Variants in MAP2K6 observed in about 807,000 individuals in gnomAD.
MAP2K6 encodes mitogen-activated protein kinase kinase 6.
MAP2K6 carries 16 observed loss-of-function variants against 53.7 expected under a neutral mutation model. The ratio of observed to expected loss-of-function variants is 0.30; its 90% CI spans 0.20 to 0.45. The LOEUF (loss-of-function observed/expected upper bound fraction) is 0.45, where lower values mean the gene tolerates loss of function less well. Ranked by LOEUF, MAP2K6 falls within the 20% of genes least tolerant of loss-of-function variation. The pLI is 1.00. For synonymous variants in MAP2K6, 132 were observed against 143.1 expected, an observed-to-expected ratio of 0.92 and a Z score of 0.55; for missense variants, 204 against 411.9, an observed-to-expected ratio of 0.50 and a Z score of 4.37.
chr17:69,512,339 G>GTTTTTTTTTT (rs746993199), intron 2 of MAP2K6, among the ~76,000 whole-genome samples: 2 of 82,110 alleles, frequency 2.4e-5, no homozygotes, highest in Non-Finnish European at 4.5e-5. Flanking sequence ...TTTTTTTTTT[G>GTTTTTTTTTT]TTTTTTTTTT....
intron 1 of MAP2K6, among the ~76,000 whole-genome samples, chr17:69,462,717 A>C (rs1363959807): frequency 1.3e-5 from 2 of 151,876 alleles, no homozygotes; most frequent in Non-Finnish European, 2.9e-5. Context: ...AAGCCCTTGG[A>C]TTTTCCACCT....
intron 1 of MAP2K6, among the ~76,000 whole-genome samples, chr17:69,423,391 G>A (rs1043719836): frequency 2.0e-5 from 3 of 152,186 alleles, no homozygotes; most frequent in Admixed American, 2.0e-4. Context: ...GACAGCTGTC[G>A]AGTTGAGTAG....
intron 1 of MAP2K6, among the ~76,000 whole-genome samples, chr17:69,471,988 T>A (rs1007785059): frequency 6.6e-6 from 1 of 152,232 alleles, no homozygotes; most frequent in Non-Finnish European, 1.5e-5. Flanking sequence ...CTGTTCTGAT[T>A]GGCCTTTAGA....
chr17:69,488,533 G>C (rs759107379), intron 1 of MAP2K6, among the ~76,000 whole-genome samples: 2 of 152,118 alleles, frequency 1.3e-5, no homozygotes, highest in Non-Finnish European at 2.9e-5. Context: ...ATGCCCATCA[G>C]TAATAGACTG....
At position 69,515,838 on chromosome 17, in the gene MAP2K6, G is replaced by A. The variant is rs543934314; in HGVS notation, c.84-1017G>A. Among the ~76,000 whole-genome samples, 4 of 152,328 alleles carry A rather than the reference G, an allele frequency of 2.6e-5. No individual in the cohort carries two copies. In the East Asian group the frequency reaches 7.7e-4, roughly 29 times the overall value. ...TGTCCATCTATAAAAGAAGGGACGA[G>A]ATTTGAAATTCTTATGTTCTATGAA... On this transcript the variant is annotated intron_variant, in intron 2 of 11. Coordinates refer to ENST00000590474, the MANE Select transcript of MAP2K6 (RefSeq NM_002758.4).
rs537463806 is a variant in MAP2K6, at chr17:69,496,529, G to A, written c.17-9251G>A. Among the ~76,000 whole-genome samples, 728 of 152,082 alleles carry A rather than the reference G, an allele frequency of 4.8e-3. 7 individuals are homozygous for A. Among genetic ancestry groups the A allele is most frequent in the Non-Finnish European group, 7.8e-3 (531 of 67,984 alleles). ...GATTACAGGCGTGTGCCCCACGCCC[G>A]GCTAATTTTTTGTATTTTTAGTAGA... is the stretch of plus-strand genomic sequence containing the variant. On this transcript the variant is annotated intron_variant, in intron 1 of 11. Coordinates refer to ENST00000590474, the MANE Select transcript of MAP2K6 (RefSeq NM_002758.4).
intron 1 of MAP2K6, among the ~76,000 whole-genome samples, chr17:69,458,616 T>C (rs992081933): frequency 6.6e-6 from 1 of 152,252 alleles, no homozygotes; most frequent in Non-Finnish European, 1.5e-5. Flanking sequence ...AGTTTCCCTG[T>C]TGCTGTTAAT....
chr17:69,429,556 A>T (rs1369021403), intron 1 of MAP2K6, among the ~76,000 whole-genome samples: 2 of 152,224 alleles, frequency 1.3e-5, no homozygotes, highest in Non-Finnish European at 2.9e-5. Flanking sequence ...AGCTCTTGCA[A>T]TATTGATTAT....
In MAP2K6 at chr17:69,545,124, G is replaced by A. The variant is rs1339928309; in HGVS notation, c.*3371G>A. 3 of 152,122 alleles carry A rather than the reference G, an allele frequency of 2.0e-5. No individual in the cohort carries two copies. The highest frequency in any genetic ancestry group is 4.4e-5 in the Non-Finnish European group (3 of 68,040). The allele number at this position is 152,122 out of a possible 1,614,324, so 9.4% of individuals were successfully genotyped here. ...AAAACGCCATGTCATGGGCTCTGAA[G>A]ATAATTTCAAATGAAGATTTCCACA... is the stretch of plus-strand genomic sequence containing the variant. On this transcript the variant is annotated 3_prime_UTR_variant, in exon 12 of 12. Coordinates refer to ENST00000590474, the MANE Select transcript of MAP2K6 (RefSeq NM_002758.4).
intron 1 of MAP2K6, among the ~76,000 whole-genome samples, chr17:69,419,439 A>G (rs1171143968): frequency 1.3e-5 from 2 of 152,136 alleles, no homozygotes; most frequent in African/African-American, 4.8e-5. Flanking sequence ...TGCCAAGTAA[A>G]TTGCTCTTCA....
At chr17:69,523,982 C>T (rs1354190800) in intron 8 of MAP2K6, among the ~76,000 whole-genome samples, 1 of 152,124 alleles carries the variant, frequency 6.6e-6, no homozygotes, top group Non-Finnish European at 1.5e-5. Context: ...CAGGATCATA[C>T]ATAGCACCTT....
At chr17:69,466,938 G>A (rs1437053084) in intron 1 of MAP2K6, among the ~76,000 whole-genome samples, 1 of 152,192 alleles carries the variant, frequency 6.6e-6, no homozygotes, top group African/African-American at 2.4e-5. Flanking sequence ...TCAGATTAAC[G>A]AGTGAACTTT....
At chr17:69,529,364 TA>T (rs201107152) in intron 10 of MAP2K6, among the ~76,000 whole-genome samples, 1 of 152,136 alleles carries the variant, frequency 6.6e-6, no homozygotes, top group Admixed American at 6.5e-5. Flanking sequence ...TCAATTTGTT[TA>T]AAAAAAATCA....
chr17:69,468,492 G>A (rs572095362), intron 1 of MAP2K6, among the ~76,000 whole-genome samples: 2 of 152,314 alleles, frequency 1.3e-5, no homozygotes, highest in African/African-American at 2.4e-5. Flanking sequence ...AGCTGTGTAC[G>A]CAAACATAAC....
chr17:69,470,556 A>G (rs191297226), intron 1 of MAP2K6, among the ~76,000 whole-genome samples: 7 of 152,304 alleles, frequency 4.6e-5, no homozygotes, highest in African/African-American at 1.7e-4. Context: ...TTGTGTATAG[A>G]AGGGAAGATG....
At chr17:69,492,060 T>C (rs1156921800) in intron 1 of MAP2K6, among the ~76,000 whole-genome samples, 6 of 152,238 alleles carry the variant, frequency 3.9e-5, no homozygotes, top group Non-Finnish European at 7.3e-5. Context: ...ATATGAGACC[T>C]CTGTCAGATG....
chr17:69,497,621 T>C (rs552102672), intron 1 of MAP2K6, among the ~76,000 whole-genome samples: 2 of 152,310 alleles, frequency 1.3e-5, no homozygotes, highest in African/African-American at 4.8e-5. Flanking sequence ...AATATATTTG[T>C]TACAGTATTT....
chr17:69,501,660 A>G (rs1909180184), intron 1 of MAP2K6: 2 of 152,172 alleles, frequency 1.3e-5, no homozygotes, highest in South Asian at 2.1e-4. Context: ...CTGATGCAAT[A>G]TAGTGCTGCA....
chr17:69,502,137 G>T, intron 1 of MAP2K6: 1 of 984,340 alleles, frequency 1.0e-6, no homozygotes, highest in African/African-American at 1.7e-5. Flanking sequence ...AATGATTAAT[G>T]TCACGCCTGG....
Sources: gnomAD v4.1 joint callset for allele counts (sites outside exome capture counted in the v4.1 genomes callset) on GRCh38, gnomAD v4.1.1 for gene constraint, MANE v1.5 for transcripts, NCBI Gene and HGNC (gene_info 2026-07-23, HGNC 2026-07-21) for gene names.